LHFPL6: variants seen among roughly 807,000 people sequenced by gnomAD.
LHFPL6 encodes LHFPL tetraspan subfamily member 6.
In LHFPL6, 9 loss-of-function variants were observed where a neutral mutation model predicts 20.6. The observed-to-expected ratio is 0.44, with a 90% CI of 0.26 to 0.76. The LOEUF (loss-of-function observed/expected upper bound fraction) is 0.76. Among genes scored for constraint, LHFPL6 ranks in the 30% least tolerant of loss-of-function variants. The pLI is 0.20. For synonymous variants in LHFPL6, 105 were observed against 98.7 expected (o/e 1.06, Z -0.38); for missense variants, 218 against 253.5 (o/e 0.86, Z 0.95).
intron 2 of LHFPL6, among the ~76,000 whole-genome samples, chr13:39,517,098 C>T (rs142554006): frequency 4.5e-4 from 69 of 152,082 alleles, no homozygotes; most frequent in Non-Finnish European, 8.7e-4. Flanking sequence ...CACCATGGTA[C>T]TAAAGGGAAA....
intron 2 of LHFPL6, among the ~76,000 whole-genome samples, chr13:39,596,527 T>C (rs367920601): frequency 3.9e-5 from 6 of 152,158 alleles, no homozygotes; most frequent in African/African-American, 9.7e-5. Flanking sequence ...CAGGTGATTC[T>C]GATGCATACT....
At chr13:39,498,835 TG>T (rs1210988432) in intron 2 of LHFPL6, among the ~76,000 whole-genome samples, 1 of 152,184 alleles carries the variant, frequency 6.6e-6, no homozygotes, top group Non-Finnish European at 1.5e-5. Context: ...GGTGATATTG[TG>T]AGGCTTTGCC....
chr13:39,510,394 C>A (rs1367168490), intron 2 of LHFPL6, among the ~76,000 whole-genome samples: 2 of 152,194 alleles, frequency 1.3e-5, no homozygotes, highest in Non-Finnish European at 2.9e-5. Flanking sequence ...ACTGAGGTGG[C>A]GATGTCTGTA....
At chr13:39,441,971 A>T (rs1412860216) in intron 2 of LHFPL6, among the ~76,000 whole-genome samples, 1 of 151,860 alleles carries the variant, frequency 6.6e-6, no homozygotes, top group Non-Finnish European at 1.5e-5. Context: ...CTGGGATTAC[A>T]GGCATGCACC....
intron 2 of LHFPL6, among the ~76,000 whole-genome samples, chr13:39,492,495 T>C (rs1338238274): frequency 1.3e-5 from 2 of 152,182 alleles, no homozygotes; most frequent in Non-Finnish European, 2.9e-5. Flanking sequence ...CTTTGGAATG[T>C]ATTCAAATAA....
At chr13:39,424,744 C>G (rs1268904413) in intron 2 of LHFPL6, among the ~76,000 whole-genome samples, 1 of 152,086 alleles carries the variant, frequency 6.6e-6, no homozygotes, top group Non-Finnish European at 1.5e-5. Context: ...GCTATCATAT[C>G]TCATTTCTGT....
At chr13:39,435,667 T>G (rs1871939067) in intron 2 of LHFPL6, among the ~76,000 whole-genome samples, 1 of 152,108 alleles carries the variant, frequency 6.6e-6, no homozygotes, top group Non-Finnish European at 1.5e-5. Context: ...GACAGCGAAA[T>G]ACGAAGAACT....
chr13:39,509,115 T>G (rs140618043), intron 2 of LHFPL6, among the ~76,000 whole-genome samples: 157 of 152,330 alleles, frequency 1.0e-3, no homozygotes, highest in African/African-American at 3.5e-3. Context: ...AACATCTTTT[T>G]ATGTGGTTAT....
rs1433122505 is a variant in LHFPL6 at position 39,344,047 on chromosome 13, A to G, written c.492T>C (p.Cys164=). ...YTSGQFDLGK[C]EIGWAYYCTG... is the part of the protein sequence containing the mutation. ...TGCAGTAGTAGGCCCAGCCGATTTC[A>G]CACTTCCCTAAGGACAAAGGAAGGG... Residue 164 remains cysteine (C), a synonymous_variant, in exon 4 of 4, where the codon TGT becomes TGC. Transcript: ENST00000379589. 1.9e-6 allele frequency: 3 copies of G among 1,610,548 alleles called. No homozygotes were observed. In the Admixed American group the frequency reaches 5.0e-5, roughly 27 times the overall value.
At chr13:39,495,798 T>C (rs1476259590) in intron 2 of LHFPL6, among the ~76,000 whole-genome samples, 2 of 146,510 alleles carry the variant, frequency 1.4e-5, no homozygotes, top group African/African-American at 2.5e-5. Flanking sequence ...TTTTTTTTTT[T>C]TTTTTTAGTA....
chr13:39,344,806 A>C (rs901518985), intron 3 of LHFPL6, among the ~76,000 whole-genome samples: 2 of 152,228 alleles, frequency 1.3e-5, no homozygotes. Context: ...ATGGTTGACA[A>C]AAAAGCTTCT....
intron 2 of LHFPL6, among the ~76,000 whole-genome samples, chr13:39,493,306 T>TAA (rs201558669): frequency 0.012 from 1,471 of 118,264 alleles, 44 homozygotes; most frequent in South Asian, 0.11. Flanking sequence ...CCATCTCTAC[T>TAA]AAAAAAAAAA....
chr13:39,453,123 GT>G (rs558586390), intron 2 of LHFPL6, among the ~76,000 whole-genome samples: 66 of 152,254 alleles, frequency 4.3e-4, no homozygotes, highest in African/African-American at 1.5e-3. Flanking sequence ...ACAGAAGGCC[GT>G]TCTTTTTTTG....
chr13:39,398,847 C>G (rs1870910117), intron 2 of LHFPL6, among the ~76,000 whole-genome samples: 1 of 152,196 alleles, frequency 6.6e-6, no homozygotes, highest in Non-Finnish European at 1.5e-5. Flanking sequence ...ACGTTGTGCA[C>G]TCCTTATGAG....
At chr13:39,591,566 G>A (rs1164274706) in intron 2 of LHFPL6, among the ~76,000 whole-genome samples, 1 of 152,158 alleles carries the variant, frequency 6.6e-6, no homozygotes, top group East Asian at 1.9e-4. Flanking sequence ...TAACAGTGGT[G>A]TAAGTCTACA....
At chr13:39,378,054 G>T (rs1252460189) in intron 3 of LHFPL6, among the ~76,000 whole-genome samples, 2 of 152,186 alleles carry the variant, frequency 1.3e-5, no homozygotes, top group African/African-American at 4.8e-5. Flanking sequence ...TGCTTAGCTT[G>T]TATTATCATT....
intron 2 of LHFPL6, among the ~76,000 whole-genome samples, chr13:39,441,137 ATTTTTTTTTTTTT>A (rs57695621): frequency 1.2e-4 from 11 of 91,460 alleles, no homozygotes; most frequent in African/African-American, 4.2e-4. Context: ...ATGCCAACTA[ATTTTTTTTTTTTT>A]TTTTTTTTTT....
At chr13:39,397,623 C>A (rs1404913000) in intron 2 of LHFPL6, among the ~76,000 whole-genome samples, 1 of 152,160 alleles carries the variant, frequency 6.6e-6, no homozygotes, top group Admixed American at 6.6e-5. Context: ...ACTTGTTCTC[C>A]ACTTTTTGTT....
chr13:39,458,854 T>C (rs1872628932), intron 2 of LHFPL6, among the ~76,000 whole-genome samples: 1 of 152,170 alleles, frequency 6.6e-6, no homozygotes, highest in Admixed American at 6.5e-5. Context: ...ATTATTTTGT[T>C]GTAAAATTAA....
Sources: gnomAD v4.1 joint callset for allele counts (sites outside exome capture counted in the v4.1 genomes callset) on GRCh38, gnomAD v4.1.1 for gene constraint, MANE v1.5 for transcripts, NCBI Gene and HGNC (gene_info 2026-07-23, HGNC 2026-07-21) for gene names.